The following LRRC52 variants were observed in gnomAD, a reference collection of about 807,000 sequenced individuals.
The protein encoded by LRRC52 is leucine rich repeat containing 52, also known as leucine-rich repeat-containing protein 52.
In LRRC52, 15 loss-of-function variants were observed where a neutral mutation model predicts 14.7. That is an observed-to-expected ratio of 1.02 (90% CI 0.68 to 1.58). The LOEUF (loss-of-function observed/expected upper bound fraction) is 1.58. Ranked by LOEUF, LRRC52 falls within the 40% of genes most tolerant of loss-of-function variation. The pLI, the probability that LRRC52 is intolerant of heterozygous loss-of-function variation, is 0.00. For synonymous variants in LRRC52, 180 were observed against 163.9 expected (o/e 1.10, Z -0.75); for missense variants, 400 against 387.7 (o/e 1.03, Z -0.27).
intron 1 of LRRC52, among the ~76,000 whole-genome samples, chr1:165,557,134 A>T (rs1661250846): frequency 6.6e-6 from 1 of 152,248 alleles, no homozygotes; most frequent in Non-Finnish European, 1.5e-5. Flanking sequence ...ATTTGGAAAT[A>T]ATAATAATTA....
At chr1:165,561,007 G>A (rs932896257) in intron 1 of LRRC52, among the ~76,000 whole-genome samples, 5 of 152,038 alleles carry the variant, frequency 3.3e-5, no homozygotes, top group African/African-American at 1.2e-4. Context: ...AAATGGCCCC[G>A]AGCTGGGAAA....
In LRRC52 at chr1:165,544,860, C is replaced by A; in HGVS notation, c.564C>A (p.Cys188Ter). 2 of 1,613,942 alleles carry A rather than the reference C, an allele frequency of 1.2e-6. No homozygotes were observed. Among genetic ancestry groups the A allele is most frequent in the Non-Finnish European group, 1.7e-6 (2 of 1,179,796 alleles). The change falls in exon 1 of 2, where the codon TGC becomes TGA. Residue 188 changes from cysteine (C) to a stop codon, truncating the protein, a stop_gained. Coordinates refer to ENST00000294818, the MANE Select transcript of LRRC52 (RefSeq NM_001005214.4). LOFTEE classifies it high-confidence loss of function. The stretch of plus-strand genomic sequence containing the variant: ...TTCTGAGTGGAAACCCCTGGAAGTG[C>A]AACTGCTCTTTCCTGGACTTCGCCA... ...TLFLSGNPWK[C>*]NCSFLDFAIF...
intron 1 of LRRC52, among the ~76,000 whole-genome samples, chr1:165,545,450 G>A (rs115038099): frequency 0.012 from 1,902 of 152,228 alleles, 44 homozygotes; most frequent in African/African-American, 0.044. Context: ...GGAGGGGCAC[G>A]TGAGCTACCC....
chr1:165,561,427 T>C (rs1199561316), intron 1 of LRRC52, among the ~76,000 whole-genome samples: 1 of 152,188 alleles, frequency 6.6e-6, no homozygotes, highest in Non-Finnish European at 1.5e-5. Context: ...TCTCTCTCGA[T>C]AGAATTCCTG....
At chr1:165,554,426 G>GGTGGTTGTT (rs1553233022) in intron 1 of LRRC52, among the ~76,000 whole-genome samples, 25 of 150,590 alleles carry the variant, frequency 1.7e-4, no homozygotes, top group African/African-American at 4.1e-4. Flanking sequence ...AATGATAGGT[G>GGTGGTTGTT]GTTGTTGTTG....
Position 165,544,500 on chromosome 1 carries a change from G to A in LRRC52, c.204G>A (p.Leu68=), listed in dbSNP as rs372760189. The stretch of plus-strand genomic sequence containing the variant: ...TGAACGAGAACAGAATCACTAGTTT[G>A]CCAGCAATGCATCTAGGACTCCTCA... ...LFLNENRITS[L]PAMHLGLLSD... is the part of the protein sequence containing the mutation. The change falls in exon 1 of 2, where the codon TTG becomes TTA. Residue 68 remains leucine (L), a synonymous_variant. Transcript: ENST00000294818. The A allele has an allele frequency of 2.5e-6, 4 of 1,614,036 alleles. No individual in the cohort carries two copies. In the African/African-American group the frequency reaches 4.0e-5, roughly 16 times the overall value.
At chr1:165,545,521 AG>A (rs1385216745) in intron 1 of LRRC52, among the ~76,000 whole-genome samples, 1 of 152,162 alleles carries the variant, frequency 6.6e-6, no homozygotes, top group Non-Finnish European at 1.5e-5. Context: ...TTTGTTTTGA[AG>A]ATGCTGGCCT....
chr1:165,549,849 C>T (rs970152510), intron 1 of LRRC52, among the ~76,000 whole-genome samples: 14 of 152,270 alleles, frequency 9.2e-5, no homozygotes, highest in South Asian at 2.1e-4. Flanking sequence ...CTCAAGTTGG[C>T]GAGATCTGGC....
At chr1:165,552,446 T>C (rs1454407093) in intron 1 of LRRC52, among the ~76,000 whole-genome samples, 1 of 152,128 alleles carries the variant, frequency 6.6e-6, no homozygotes, top group African/African-American at 2.4e-5. Context: ...AGGAAGGGCC[T>C]TGAATGGTTT....
In LRRC52 at chr1:165,560,771, G is replaced by A. The variant is rs557948899; in HGVS notation, c.623-2734G>A. On this transcript the variant is annotated intron_variant, in intron 1 of 1. Transcript: ENST00000294818. Reference sequence around the variant, plus strand: ...TAACTATAGATGAGGGCAAGGGTGAGGTGTAATCAAGGCATAATATGTAGT... The same window carrying A: ...TAACTATAGATGAGGGCAAGGGTGAAGTGTAATCAAGGCATAATATGTAGT... 5.9e-5 allele frequency among the ~76,000 whole-genome samples: 9 copies of A among 152,246 alleles called. No individual in the cohort carries two copies. The South Asian group carries it at 1.9e-3, about 32-fold the overall frequency.
At chr1:165,555,176 A>G (rs944393138) in intron 1 of LRRC52, among the ~76,000 whole-genome samples, 7 of 152,260 alleles carry the variant, frequency 4.6e-5, no homozygotes, top group African/African-American at 1.7e-4. Flanking sequence ...ATGGAGGAAA[A>G]TAAGAGAGGG....
intron 1 of LRRC52, among the ~76,000 whole-genome samples, chr1:165,551,467 G>A (rs969807783): frequency 6.6e-6 from 1 of 152,188 alleles, no homozygotes; most frequent in Non-Finnish European, 1.5e-5. Flanking sequence ...TATCCCCTCA[G>A]GGAGCATTTG....
At chr1:165,561,237 T>C (rs1179248637) in intron 1 of LRRC52, among the ~76,000 whole-genome samples, 1 of 152,234 alleles carries the variant, frequency 6.6e-6, no homozygotes, top group East Asian at 1.9e-4. Flanking sequence ...ACGTGTGTGA[T>C]GTTTAGTCTC....
intron 1 of LRRC52, among the ~76,000 whole-genome samples, chr1:165,562,789 T>G (rs1321194642): frequency 6.6e-6 from 1 of 152,108 alleles, no homozygotes. Context: ...TGAAGACTCA[T>G]GTCGATGACA....
chr1:165,552,844 T>A (rs1661161268), intron 1 of LRRC52, among the ~76,000 whole-genome samples: 1 of 151,962 alleles, frequency 6.6e-6, no homozygotes, highest in Non-Finnish European at 1.5e-5. Flanking sequence ...ATGAATGAGA[T>A]ACAGAAAATA....
intron 1 of LRRC52, among the ~76,000 whole-genome samples, chr1:165,563,008 G>C (rs1661381179): frequency 6.6e-6 from 1 of 152,116 alleles, no homozygotes. Flanking sequence ...GTGATGCCAG[G>C]TTGGACTCAG....
chr1:165,558,050 G>A (rs1661274143), intron 1 of LRRC52, among the ~76,000 whole-genome samples: 2 of 152,186 alleles, frequency 1.3e-5, no homozygotes, highest in Non-Finnish European at 2.9e-5. Flanking sequence ...TAACTGGCGG[G>A]TTCAATACTG....
At position 165,544,211 on chromosome 1, in the gene LRRC52, CCCGCCCCA is replaced by C; in HGVS notation, c.-83_-76del. The stretch of plus-strand genomic sequence containing the variant: ...TTACAGTTCTTTCCAGAGCCCCTCC[CCCGCCCCA>C]CCCCCCCACCGGCAGCCTTCGGATC... On this transcript the variant is annotated 5_prime_UTR_variant, in exon 1 of 2. Transcript: ENST00000294818. 5.4e-6 allele frequency: 6 copies of C among 1,106,896 alleles called. No homozygotes were observed. The highest frequency in any genetic ancestry group is 6.3e-6 in the Non-Finnish European group (5 of 798,828). 68.6% of individuals were successfully genotyped at this position (1,106,896 alleles called of 1,614,324 possible). A position where few individuals can be genotyped will look rare whatever the true frequency, so the allele number is the denominator to read the frequency against.
At chr1:165,550,719 A>G (rs1446582401) in intron 1 of LRRC52, among the ~76,000 whole-genome samples, 1 of 152,204 alleles carries the variant, frequency 6.6e-6, no homozygotes, top group African/African-American at 2.4e-5. Context: ...TGTCCCCAAC[A>G]TTGCATTATA....
Sources: allele counts gnomAD v4.1 joint callset (sites outside exome capture counted in the v4.1 genomes callset), GRCh38; gene constraint gnomAD v4.1.1; transcripts MANE v1.5; gene names NCBI Gene and HGNC (gene_info 2026-07-23, HGNC 2026-07-21).